The following UBE2L3 variants were observed in gnomAD, a reference collection of about 807,000 sequenced individuals.
UBE2L3 encodes ubiquitin-conjugating enzyme E2 L3.
UBE2L3 carries 1 observed loss-of-function variant against 17.8 expected under a neutral mutation model. The ratio of observed to expected loss-of-function variants is 0.06; its 90% confidence interval spans 0.02 to 0.27. UBE2L3 has a LOEUF of 0.27. Among genes scored for constraint, UBE2L3 ranks in the 10% least tolerant of loss-of-function variants. The pLI, the probability that UBE2L3 is intolerant of heterozygous loss-of-function variation, is 1.00. For missense variants in UBE2L3, 40 were observed against 192.6 expected (o/e 0.21, Z 4.69); for synonymous variants, 44 against 68.5 (o/e 0.64, Z 1.76).
intron 1 of UBE2L3, among the ~76,000 whole-genome samples, chr22:21,557,044 A>T (rs4821059): frequency 0.16 from 22,856 of 146,966 alleles, 429 homozygotes; most frequent in East Asian, 0.35. Context: ...ACAGAGTGAG[A>T]GTCTGAGTCA....
intron 1 of UBE2L3, among the ~76,000 whole-genome samples, chr22:21,582,480 A>G (rs1427989326): frequency 4.0e-5 from 6 of 151,720 alleles, no homozygotes; most frequent in East Asian, 2.0e-4. Context: ...CAGCCTCCCA[A>G]GTAGCTGGGA....
intron 1 of UBE2L3, among the ~76,000 whole-genome samples, chr22:21,588,463 CTTTTTTTTTT>C (rs1255043408): frequency 9.7e-6 from 1 of 103,338 alleles, no homozygotes; most frequent in Admixed American, 9.7e-5. Flanking sequence ...TTTCTTCTTT[CTTTTTTTTTT>C]TTTTTTTTTT....
intron 1 of UBE2L3, among the ~76,000 whole-genome samples, chr22:21,574,180 CT>C (rs1172822281): frequency 1.3e-5 from 2 of 152,158 alleles, no homozygotes; most frequent in Admixed American, 6.5e-5. Flanking sequence ...CCCCCCACCC[CT>C]ATAAGAAAGG....
intron 3 of UBE2L3, among the ~76,000 whole-genome samples, chr22:21,618,229 A>T (rs1929877881): frequency 1.4e-5 from 2 of 144,758 alleles, no homozygotes; most frequent in South Asian, 2.2e-4. Context: ...ACTATAAAAA[A>T]TAACGAAATA....
At chr22:21,569,167 G>A (rs533058999) in intron 1 of UBE2L3, among the ~76,000 whole-genome samples, 5 of 151,842 alleles carry the variant, frequency 3.3e-5, no homozygotes, top group African/African-American at 1.2e-4. Context: ...AGGCCGAGGC[G>A]GGCGGATCAC....
At chr22:21,611,223 T>C (rs1037118552) in intron 3 of UBE2L3, among the ~76,000 whole-genome samples, 180 bp downstream of exon 3, 19 of 152,208 alleles carry the variant, frequency 1.2e-4, no homozygotes, top group African/African-American at 4.3e-4. Context: ...TTGACCTGTA[T>C]AGGGTTTGAG....
chr22:21,609,650 A>G lies in UBE2L3; in HGVS notation c.124-1207A>G, dbSNP rs151095101. Among the ~76,000 whole-genome samples the G allele has an allele frequency of 1.7e-3, 259 of 151,646 alleles. 1 individual carries two copies. The highest frequency in any genetic ancestry group is 3.4e-3 in the Middle Eastern group (1 of 292). On this transcript the variant is annotated intron_variant, in intron 2 of 3. Coordinates refer to ENST00000342192, the MANE Select transcript of UBE2L3 (RefSeq NM_003347.4). The stretch of plus-strand genomic sequence containing the variant: ...TTGAGCCTGTGAAGTCAAGGTTGCA[A>G]TGAGCCAAGATCACGCCACCATCCA...
At chr22:21,606,331 GGTGT>G (rs1208292662) in intron 2 of UBE2L3, among the ~76,000 whole-genome samples, 5 of 151,204 alleles carry the variant, frequency 3.3e-5, no homozygotes, top group Non-Finnish European at 5.9e-5. Context: ...GTGTGTGTGT[GGTGT>G]GTGTGTGTGT....
At chr22:21,614,435 A>G (rs1929659931) in intron 3 of UBE2L3, 1 of 546,582 alleles carries the variant, frequency 1.8e-6, no homozygotes, top group Admixed American at 2.7e-5. Flanking sequence ...ACCAAAAAAA[A>G]AAAAAGAAAG....
intron 1 of UBE2L3, among the ~76,000 whole-genome samples, chr22:21,582,887 C>T (rs1313877072): frequency 1.3e-5 from 2 of 152,174 alleles, no homozygotes; most frequent in African/African-American, 2.4e-5. Context: ...GAGCACTCCC[C>T]TCAGAAAGGT....
intron 1 of UBE2L3, among the ~76,000 whole-genome samples, chr22:21,560,400 G>GT (rs1316234265): frequency 1.6e-4 from 25 of 152,042 alleles, no homozygotes; most frequent in African/African-American, 6.0e-4. Flanking sequence ...CAGGACAGAC[G>GT]TATCTTCTGT....
upstream of UBE2L3, among the ~76,000 whole-genome samples, chr22:21,565,831 C>T (rs1430631322): frequency 7.3e-6 from 1 of 137,306 alleles, no homozygotes; most frequent in African/African-American, 2.7e-5. Flanking sequence ...AAGCTATGTT[C>T]TTCTCTCTGC....
At chr22:21,589,002 C>T (rs1166862124) in intron 1 of UBE2L3, among the ~76,000 whole-genome samples, 3 of 152,094 alleles carry the variant, frequency 2.0e-5, no homozygotes, top group African/African-American at 7.2e-5. Context: ...CCATGTTGGC[C>T]AGGCTGGTCT....
chr22:21,578,009 A>G (rs985502602), intron 1 of UBE2L3, among the ~76,000 whole-genome samples: 1 of 152,114 alleles, frequency 6.6e-6, no homozygotes, highest in African/African-American at 2.4e-5. Context: ...ATAGCCTCTG[A>G]ACCCGTCTGA....
At chr22:21,595,522 C>A (rs762274882) in intron 2 of UBE2L3, among the ~76,000 whole-genome samples, 3 of 152,154 alleles carry the variant, frequency 2.0e-5, no homozygotes, top group Non-Finnish European at 2.9e-5. Flanking sequence ...GTGGTGCTGT[C>A]CTTGGGTAGC....
intron 2 of UBE2L3, among the ~76,000 whole-genome samples, chr22:21,601,986 GACAA>G (rs942150432): frequency 7.4e-6 from 1 of 135,590 alleles, no homozygotes; most frequent in Non-Finnish European, 1.6e-5. Flanking sequence ...AAAAAAAAAA[GACAA>G]ACCAGCCTGG....
intron 2 of UBE2L3, among the ~76,000 whole-genome samples, chr22:21,593,389 C>G (rs1168404057): frequency 6.6e-6 from 1 of 152,124 alleles, no homozygotes; most frequent in Non-Finnish European, 1.5e-5. Flanking sequence ...GGCTTTATTC[C>G]TGGTCCCCTC....
intron 3 of UBE2L3, chr22:21,614,764 C>A: frequency 2.1e-6 from 1 of 470,720 alleles, no homozygotes. Flanking sequence ...AAAACATATG[C>A]CCAATAAAAA....
At chr22:21,558,789 C>T (rs551049892) in intron 1 of UBE2L3, among the ~76,000 whole-genome samples, 3 of 152,352 alleles carry the variant, frequency 2.0e-5, no homozygotes, top group East Asian at 1.9e-4. Context: ...CACACCCAGC[C>T]GCATATTTTT....
Sources: allele counts gnomAD v4.1 joint callset (sites outside exome capture counted in the v4.1 genomes callset), GRCh38; gene constraint gnomAD v4.1.1; transcripts MANE v1.5; gene names NCBI Gene and HGNC (gene_info 2026-07-23, HGNC 2026-07-21).